Variants in UBR2 observed in about 807,000 individuals in gnomAD.
UBR2 encodes E3 ubiquitin-protein ligase UBR2.
Under a neutral mutation model 247.9 loss-of-function variants are expected in UBR2, and 92 were observed. That is an observed-to-expected ratio of 0.37 (90% confidence interval 0.31 to 0.44). UBR2 has a LOEUF of 0.44. UBR2 is among the 20% of genes least tolerant of loss of function. The pLI is 1.00. For missense variants in UBR2, 1,613 were observed against 2,112.6 expected, an observed-to-expected ratio of 0.76 and a Z score of 4.64; for synonymous variants, 672 against 693.5, an observed-to-expected ratio of 0.97 and a Z score of 0.49.
In UBR2 at chr6:42,580,431, G is replaced by T. The variant is rs1471189959; in HGVS notation, c.338+6438G>T. Among the ~76,000 whole-genome samples the T allele has an allele frequency of 3.9e-5, 6 of 152,308 alleles. No homozygotes were observed. In the East Asian group the frequency reaches 1.2e-3, roughly 29 times the overall value. On this transcript the variant is annotated intron_variant, in intron 2 of 46. Coordinates refer to ENST00000372901, the MANE Select transcript of UBR2 (RefSeq NM_001363705.2). ...TAAAGGCTTTGGGGTAATCCATTCA[G>T]GTAGGAAACGCAAATTTATATTACT...
Position 42,573,927 on chromosome 6 carries a change from A to G in UBR2, c.272A>G (p.Gln91Arg). 1 of 1,613,804 alleles carries G rather than the reference A, an allele frequency of 6.2e-7. No individual in the cohort carries two copies. The highest frequency in any genetic ancestry group is 8.5e-7 in the Non-Finnish European group (1 of 1,179,916). The part of the protein sequence containing the change: ...DPAFGFPKLE[Q>R]ANKPSHLCGR... ...GCATTTGGATTTCCAAAACTTGAGC[A>G]AGCAAACAAACCTTCTCATCTTTGT... Residue 91 changes from glutamine (Q) to arginine (R), a missense_variant, in exon 2 of 47, where the codon CAA (glutamine) becomes CGA (arginine). Gln to Arg is a conservative substitution (Grantham distance 43). Transcript: ENST00000372901.
intron 11 of UBR2, among the ~76,000 whole-genome samples, chr6:42,624,737 A>G (rs752723170): frequency 1.3e-5 from 2 of 152,094 alleles, no homozygotes; most frequent in Non-Finnish European, 2.9e-5. Context: ...GGGTCAAAGG[A>G]CTGGTTGAAT....
chr6:42,615,555 A>G (rs79931034), intron 9 of UBR2, among the ~76,000 whole-genome samples: 21,910 of 151,986 alleles, frequency 0.14, 1,870 homozygotes, highest in African/African-American at 0.23. Context: ...GACTCAAGCA[A>G]TCCTCCCTTC....
chr6:42,681,431 T>TA (rs1327971119), intron 42 of UBR2, among the ~76,000 whole-genome samples: 1 of 151,620 alleles, frequency 6.6e-6, no homozygotes, highest in Non-Finnish European at 1.5e-5. Flanking sequence ...AAAACCCAAT[T>TA]AAAAAATAGG....
chr6:42,673,690 G>C (rs1798566217), intron 36 of UBR2, 101 bp from the exon 37 acceptor site: 1 of 736,798 alleles, frequency 1.4e-6, no homozygotes, highest in African/African-American at 1.8e-5. Context: ...ATACCATCTA[G>C]AGCAGTTTCA....
At chr6:42,580,836 C>A (rs112613965) in intron 2 of UBR2, among the ~76,000 whole-genome samples, 2,641 of 152,192 alleles carry the variant, frequency 0.017, 69 homozygotes, top group African/African-American at 0.061. Flanking sequence ...CCACCGCGCC[C>A]GGCCTTAATT....
chr6:42,571,858 T>C (rs1215243870), intron 1 of UBR2, among the ~76,000 whole-genome samples: 4 of 152,094 alleles, frequency 2.6e-5, no homozygotes, highest in Non-Finnish European at 4.4e-5. Flanking sequence ...CGAGGTCTTT[T>C]AGCTCAAAGA....
At chr6:42,664,263 A>ATTT (rs1797985707) in intron 32 of UBR2, 1 of 152,216 alleles carries the variant, frequency 6.6e-6, no homozygotes, top group Admixed American at 6.5e-5. Flanking sequence ...AGTGTTCCAT[A>ATTT]TTTTTAGCTC....
chr6:42,616,709 A>G (rs1433831464), intron 10 of UBR2, among the ~76,000 whole-genome samples: 1 of 151,826 alleles, frequency 6.6e-6, no homozygotes, highest in Non-Finnish European at 1.5e-5. Context: ...TTTTAGCAGC[A>G]TGTGCATAAG....
At chr6:42,669,918 C>T (rs1278625225) in intron 34 of UBR2, among the ~76,000 whole-genome samples, 174 bp from the exon 35 acceptor site, 1 of 152,180 alleles carries the variant, frequency 6.6e-6, no homozygotes, top group Admixed American at 6.5e-5. Context: ...GTCAAAGAGT[C>T]TAACTCCTCT....
At chr6:42,618,633 T>G (rs778947586) in intron 11 of UBR2, among the ~76,000 whole-genome samples, 16 of 152,186 alleles carry the variant, frequency 1.1e-4, no homozygotes, top group Non-Finnish European at 1.8e-4. Context: ...TAATTACATT[T>G]GTGATTTTAA....
At chr6:42,597,773 G>T (rs547547727) in intron 4 of UBR2, among the ~76,000 whole-genome samples, 1 of 151,462 alleles carries the variant, frequency 6.6e-6, no homozygotes, top group South Asian at 2.1e-4. Flanking sequence ...AAAATTAGCC[G>T]GGCGTGGTGG....
intron 1 of UBR2, among the ~76,000 whole-genome samples, chr6:42,567,850 A>G (rs1408498505): frequency 6.6e-6 from 1 of 152,144 alleles, no homozygotes; most frequent in African/African-American, 2.4e-5. Context: ...AGCCTGGGCA[A>G]CATTAGCTAT....
intron 40 of UBR2, 138 bp from the exon 41 acceptor site, chr6:42,678,401 C>T: frequency 1.2e-6 from 1 of 840,538 alleles, no homozygotes; most frequent in Non-Finnish European, 1.8e-6. Flanking sequence ...TAATAACACA[C>T]ACCCACTTGC....
intron 36 of UBR2, 111 bp downstream of exon 36, chr6:42,670,826 T>A: frequency 1.3e-6 from 1 of 747,756 alleles, no homozygotes; most frequent in Non-Finnish European, 2.1e-6. Flanking sequence ...ACTTCTTTCG[T>A]AGTAAAAACC....
At chr6:42,606,754 C>A in intron 7 of UBR2, 103 bp downstream of exon 7, 1 of 928,418 alleles carries the variant, frequency 1.1e-6, no homozygotes, top group African/African-American at 1.7e-5. Flanking sequence ...CAAATGAAAA[C>A]CAAAAATTAT....
chr6:42,625,842 C>T (rs573792021), intron 11 of UBR2, among the ~76,000 whole-genome samples: 22 of 147,634 alleles, frequency 1.5e-4, no homozygotes, highest in African/African-American at 5.3e-4. Context: ...GAGGCGGAGT[C>T]TCGCTCTGTC....
In UBR2 at chr6:42,615,076, C is replaced by T. The variant is rs1367255326; in HGVS notation, c.991C>T (p.Leu331Phe). The change falls in exon 9 of 47, where the codon CTT becomes TTT. Residue 331 changes from leucine to phenylalanine, a missense_variant. This residue lies in a region of UBR2 where 1,524 missense variants were observed against 1,967.3 expected (regional missense o/e 0.77). Coordinates refer to ENST00000372901, the MANE Select transcript of UBR2 (RefSeq NM_001363705.2). ...ACCTTTCCTTCTATTTAAAGATGGC[C>T]TTCGCCGGATTTTATGTCAAGTTGG... ...LGSIIGYSDG[L>F]RRILCQVGLQ... is the part of the protein sequence containing the mutation. The T allele has an allele frequency of 6.2e-7, 1 of 1,612,368 alleles. No homozygotes were observed. The highest frequency in any genetic ancestry group is 8.5e-7 in the Non-Finnish European group (1 of 1,179,352).
At chr6:42,642,634 T>C (rs1186621460) in intron 18 of UBR2, among the ~76,000 whole-genome samples, 153 bp downstream of exon 18, 2 of 152,204 alleles carry the variant, frequency 1.3e-5, no homozygotes, top group Non-Finnish European at 2.9e-5. Context: ...TAACAGCCTT[T>C]AGATCATTTC....
Sources: gnomAD v4.1 joint callset for allele counts (sites outside exome capture counted in the v4.1 genomes callset) on GRCh38, gnomAD v4.1.1 for gene constraint, gnomAD v4.1.1 regional missense constraint, MANE v1.5 for transcripts, NCBI Gene and HGNC (gene_info 2026-07-23, HGNC 2026-07-21) for gene names.